The following GPI variants were observed in gnomAD, a reference collection of about 807,000 sequenced individuals.
The protein encoded by GPI is D-hexose-6-phosphate anomerase.
Under a neutral mutation model 75.8 loss-of-function variants are expected in GPI, and 56 were observed. That is an observed-to-expected ratio of 0.74 (90% CI 0.60 to 0.92). The LOEUF (loss-of-function observed/expected upper bound fraction) is 0.92, where lower values mean the gene tolerates loss of function less well. Ranked by LOEUF, GPI falls within the 40% of genes least tolerant of loss-of-function variation. The probability of loss-of-function intolerance (pLI) is 0.00; values close to 1 mark genes in which losing one functional copy is unlikely to be tolerated. For synonymous variants in GPI, 288 were observed against 285.4 expected, an observed-to-expected ratio of 1.01 and a Z score of -0.09; for missense variants, 638 against 741.0, an observed-to-expected ratio of 0.86 and a Z score of 1.61.
At chr19:34,394,620 G>A (rs2074918074) in intron 12 of GPI, among the ~76,000 whole-genome samples, 1 of 134,218 alleles carries the variant, frequency 7.5e-6, no homozygotes, top group African/African-American at 2.8e-5. Flanking sequence ...GGACTACATG[G>A]CCCTCTTCTC....
chr19:34,381,240 G>C, intron 8 of GPI: 1 of 607,218 alleles, frequency 1.6e-6, no homozygotes. Flanking sequence ...CAGGCACAAC[G>C]TCACTGGCGT....
At chr19:34,398,004 A>G (rs1172904551) in intron 14 of GPI, 1 of 151,640 alleles carries the variant, frequency 6.6e-6, no homozygotes, top group Non-Finnish European at 1.5e-5. Flanking sequence ...CTTTTATCTC[A>G]GCCTCCTGAG....
chr19:34,368,127 G>T (rs537829810), intron 3 of GPI, among the ~76,000 whole-genome samples: 1 of 152,264 alleles, frequency 6.6e-6, no homozygotes, highest in African/African-American at 2.4e-5. Context: ...CACCATGTTG[G>T]CCAGGCTGGT....
In GPI at chr19:34,393,128, G is replaced by T. The variant is rs910238018; in HGVS notation, c.805-120G>T. 6 of 782,070 alleles carry T rather than the reference G, an allele frequency of 7.7e-6. No individual in the cohort carries two copies. Among genetic ancestry groups the T allele is most frequent in the Non-Finnish European group, 1.4e-5 (6 of 437,298 alleles). The allele number at this position is 782,070 out of a possible 1,614,324, so 48.4% of individuals were successfully genotyped here. A position where few individuals can be genotyped will look rare whatever the true frequency, so the allele number is the denominator to read the frequency against. Reference sequence around the variant, plus strand: ...CTGCCTGCTGCCTTGCTTCCTGGAGGTGGGTTGGGCCAGGGCCCTCCGAGA... The same window carrying T: ...CTGCCTGCTGCCTTGCTTCCTGGAGTTGGGTTGGGCCAGGGCCCTCCGAGA... On this transcript the variant is annotated intron_variant, in intron 9 of 17. Transcript: ENST00000356487. The surrounding 1 kb of genome is among the most constrained non-coding windows in gnomAD (Gnocchi z 4.4).
chr19:34,366,085 C>A (rs2074359304), intron 1 of GPI: 1 of 677,268 alleles, frequency 1.5e-6, no homozygotes, highest in African/African-American at 1.8e-5. Context: ...AAGGGGTGGT[C>A]CCCCACTTCA....
At chr19:34,371,518 C>A (rs768206423) in intron 4 of GPI, among the ~76,000 whole-genome samples, 7 of 152,118 alleles carry the variant, frequency 4.6e-5, no homozygotes, top group Non-Finnish European at 1.0e-4. Context: ...GGTAAAGACT[C>A]ATTTGGTCAA....
chr19:34,380,872 T>G, intron 8 of GPI: 1 of 207,028 alleles, frequency 4.8e-6, no homozygotes, highest in South Asian at 8.7e-5. Flanking sequence ...ACCATAGCAC[T>G]GTTGCCTGCC....
chr19:34,380,198 G>A (rs925675617), intron 8 of GPI, among the ~76,000 whole-genome samples: 1 of 151,806 alleles, frequency 6.6e-6, no homozygotes, highest in African/African-American at 2.4e-5. Context: ...GTTTCACCAC[G>A]TTGGCCAGGC....
In GPI at chr19:34,368,650, A is replaced by G; in HGVS notation, c.350A>G (p.Asp117Gly). 6.2e-7 allele frequency: 1 copy of G among 1,614,166 alleles called. No individual in the cohort carries two copies. The highest frequency in any genetic ancestry group is 8.5e-7 in the Non-Finnish European group (1 of 1,180,018). The change falls in exon 4 of 18, where the codon GAT (aspartate) becomes GGT (glycine). Residue 117 changes from aspartate (D) to glycine (G), a missense_variant. Coordinates refer to ENST00000356487, the MANE Select transcript of GPI (RefSeq NM_000175.5). ...ACACCCATCCTGGTAGACGGCAAGG[A>G]TGTGATGCCAGAGGTCAACAAGGTT... is the stretch of plus-strand genomic sequence containing the variant. Reference protein sequence around the residue: ...SNTPILVDGKDVMPEVNKVLD... With the variant: ...SNTPILVDGKGVMPEVNKVLD...
rs1193578295 is a variant in GPI at position 34,396,596 on chromosome 19, C to G, written c.1208C>G (p.Pro403Arg). The G allele has an allele frequency of 6.2e-7, 1 of 1,614,046 alleles. No homozygotes were observed. Among genetic ancestry groups the G allele is most frequent in the African/African-American group, 1.3e-5 (1 of 74,936 alleles). Residue 403 changes from proline (P) to arginine (R), a missense_variant, in exon 14 of 18, where the codon CCC becomes CGC. By Grantham distance (103) the Pro-to-Arg change is moderately radical. Transcript: ENST00000356487. ...CCCTTCACAGGCACCAAGATGATACCCTGTGACTTCCTCATCCCGGTCCAG... is the reference window on the plus strand; with the variant it reads ...CCCTTCACAGGCACCAAGATGATACGCTGTGACTTCCTCATCCCGGTCCAG... ...QLIHQGTKMIPCDFLIPVQTQ... is the reference protein window; with the variant it reads ...QLIHQGTKMIRCDFLIPVQTQ...
At chr19:34,390,418 A>C (rs57181227) in intron 9 of GPI, among the ~76,000 whole-genome samples, 19,113 of 152,062 alleles carry the variant, frequency 0.13, 1,667 homozygotes, top group African/African-American at 0.24. Flanking sequence ...GGCACCGGTA[A>C]GGGGCTCTGG....
rs374179164 is a variant in GPI at position 34,379,034 on chromosome 19, G to C, written c.705+29G>C. ...AGTGGGCTATAGGGCCTTCCTCGTG[G>C]TTAGCCTCTGGGCTGGGAAGAGCAG... On this transcript the variant is annotated intron_variant, in intron 7 of 17. Transcript: ENST00000356487. 13 of 1,590,432 alleles carry C rather than the reference G, an allele frequency of 8.2e-6. No homozygotes were observed. The African/African-American group carries it at 1.7e-4, about 21-fold the overall frequency.
In GPI at chr19:34,369,704, C is replaced by CAAA. The variant is rs35036655; in HGVS notation, c.402+1015_402+1017dup. Among the ~76,000 whole-genome samples, 934 of 142,602 alleles carry CAAA rather than the reference C, an allele frequency of 6.5e-3. 7 individuals carry two copies. The highest frequency in any genetic ancestry group is 9.5e-3 in the Non-Finnish European group (620 of 64,950). 93.6% of individuals were successfully genotyped at this position (142,602 alleles called of 152,430 possible). On this transcript the variant is annotated intron_variant, in intron 4 of 17. Transcript: ENST00000356487. ...CCTGGGCGACAGAGGGAGACTCTGT[C>CAAA]AAAAAAAAAAAAAAATTTCCTCATC...
At chr19:34,379,583 C>T (rs1229580076) in intron 8 of GPI, 21 bp downstream of exon 8, 1 of 1,602,582 alleles carries the variant, frequency 6.2e-7, no homozygotes, top group African/African-American at 1.3e-5. Context: ...CCGTGGTCCC[C>T]TGTACTGCCT....
At chr19:34,367,634 C>T (rs140196820) in intron 3 of GPI, among the ~76,000 whole-genome samples, 27 of 152,324 alleles carry the variant, frequency 1.8e-4, no homozygotes, top group African/African-American at 6.3e-4. Flanking sequence ...TCCTGCCCAC[C>T]TGGGGTCGTT....
chr19:34,381,306 C>T, intron 8 of GPI, 160 bp from the exon 9 acceptor site: 1 of 710,124 alleles, frequency 1.4e-6, no homozygotes. Flanking sequence ...CTGGGCCCTG[C>T]CCTCGACTCA....
At chr19:34,376,922 G>A (rs947743793) in intron 4 of GPI, among the ~76,000 whole-genome samples, 7 of 151,898 alleles carry the variant, frequency 4.6e-5, no homozygotes, top group Non-Finnish European at 8.8e-5. Context: ...TGCTGGTGGC[G>A]CAGGCTTGTA....
chr19:34,384,841 G>A (rs546720071), intron 9 of GPI, among the ~76,000 whole-genome samples: 7 of 152,144 alleles, frequency 4.6e-5, no homozygotes, highest in East Asian at 1.9e-4. Context: ...TCAAGAGCTC[G>A]AGACCAGCCT....
rs1008249562 is a variant in GPI, at chr19:34,368,830, G to A, written c.402+128G>A. Reference sequence around the variant, plus strand: ...CTCAGGTTCTCACTGCAGCTTAAGGGAGGGGTTGCCTGTGTGATCGCTGAC... The same window carrying A: ...CTCAGGTTCTCACTGCAGCTTAAGGAAGGGGTTGCCTGTGTGATCGCTGAC... On this transcript the variant is annotated intron_variant, in intron 4 of 17. Coordinates refer to ENST00000356487, the MANE Select transcript of GPI (RefSeq NM_000175.5). The A allele has an allele frequency of 9.3e-6, 10 of 1,072,120 alleles. No homozygotes were observed. In the African/African-American group the frequency reaches 1.4e-4, roughly 15 times the overall value. 66.4% of individuals were successfully genotyped at this position (1,072,120 alleles called of 1,614,324 possible). A position where few individuals can be genotyped will look rare whatever the true frequency, so the allele number is the denominator to read the frequency against.
Sources: allele counts gnomAD v4.1 joint callset (sites outside exome capture counted in the v4.1 genomes callset), GRCh38; gene constraint gnomAD v4.1.1; non-coding constraint Gnocchi (gnomAD v3.1); transcripts MANE v1.5; gene names NCBI Gene and HGNC (gene_info 2026-07-23, HGNC 2026-07-21).